SHANK2: variants seen among roughly 807,000 people sequenced by gnomAD.
SHANK2 encodes SH3 and multiple ankyrin repeat domains protein 2.
A neutral mutation model predicts 133.7 loss-of-function variants in SHANK2; 43 were observed. The ratio of observed to expected loss-of-function variants is 0.32; its 90% CI spans 0.25 to 0.41. The LOEUF (loss-of-function observed/expected upper bound fraction) is 0.41. Ranked by LOEUF, SHANK2 falls within the 10% of genes least tolerant of loss-of-function variation. The pLI is 1.00. For synonymous variants in SHANK2, 1,017 were observed against 952.8 expected, an observed-to-expected ratio of 1.07 and a Z score of -1.24; for missense variants, 1,994 against 2,235.8, an observed-to-expected ratio of 0.89 and a Z score of 2.18.
intron 11 of SHANK2, among the ~76,000 whole-genome samples, chr11:70,857,687 G>T (rs1949193128): frequency 6.6e-6 from 1 of 152,154 alleles, no homozygotes; most frequent in African/African-American, 2.4e-5. Context: ...GCTATTAGGG[G>T]CATCACGGAG....
At chr11:70,935,945 C>T (rs147544294) in intron 10 of SHANK2, among the ~76,000 whole-genome samples, 161 of 152,268 alleles carry the variant, frequency 1.1e-3, no homozygotes, top group African/African-American at 3.7e-3. Flanking sequence ...GGTTCACACC[C>T]GCCAAGGACC....
chr11:70,501,506 G>A (rs1016738491), intron 20 of SHANK2, among the ~76,000 whole-genome samples: 3 of 152,202 alleles, frequency 2.0e-5, no homozygotes, highest in African/African-American at 4.8e-5. Context: ...TGGAGCAAGC[G>A]TTTCCACCTA....
intron 14 of SHANK2, among the ~76,000 whole-genome samples, chr11:70,714,121 G>A (rs1945858111): frequency 6.6e-6 from 1 of 152,232 alleles, no homozygotes; most frequent in African/African-American, 2.4e-5. Flanking sequence ...GCCAGGAGGG[G>A]CTTCCTTTCC....
At chr11:71,091,938 C>G (rs1028155928) in intron 8 of SHANK2, among the ~76,000 whole-genome samples, 1 of 152,246 alleles carries the variant, frequency 6.6e-6, no homozygotes, top group Non-Finnish European at 1.5e-5. Context: ...CTTGCCAAGA[C>G]CAGGCTGACC....
chr11:71,197,502 T>C (rs1244655855), intron 2 of SHANK2, among the ~76,000 whole-genome samples: 1 of 152,274 alleles, frequency 6.6e-6, no homozygotes, highest in African/African-American at 2.4e-5. Flanking sequence ...GCCAACACCC[T>C]GCCCCATGAG....
At chr11:71,239,408 G>A (rs186643464) in intron 1 of SHANK2, among the ~76,000 whole-genome samples, 16 of 152,258 alleles carry the variant, frequency 1.1e-4, no homozygotes, top group Admixed American at 9.8e-4. Context: ...GACTGACTAA[G>A]CTACCTACAA....
intron 21 of SHANK2, among the ~76,000 whole-genome samples, chr11:70,493,373 TAAAAAAA>T (rs71049919): frequency 4.9e-5 from 6 of 123,454 alleles, no homozygotes; most frequent in Admixed American, 2.5e-4. Context: ...CCATTTCCTT[TAAAAAAA>T]AAAAAAAAAA....
chr11:70,855,260 C>T (rs1949151691), intron 11 of SHANK2, among the ~76,000 whole-genome samples: 1 of 152,236 alleles, frequency 6.6e-6, no homozygotes, highest in African/African-American at 2.4e-5. Flanking sequence ...GCAAGGTATT[C>T]TAAGCCCTAC....
chr11:70,899,366 T>C (rs1433960157), intron 10 of SHANK2, among the ~76,000 whole-genome samples: 1 of 152,196 alleles, frequency 6.6e-6, no homozygotes, highest in Non-Finnish European at 1.5e-5. Flanking sequence ...CCTTATGTCA[T>C]GACTGTAAGA....
At chr11:71,159,026 G>A (rs782381223) in intron 2 of SHANK2, among the ~76,000 whole-genome samples, 3 of 152,208 alleles carry the variant, frequency 2.0e-5, no homozygotes, top group South Asian at 2.1e-4. Flanking sequence ...TCCCTAAGAC[G>A]GGATTCTGGC....
rs149983324 is a variant in SHANK2 at position 71,200,656 on chromosome 11, C to A, written c.-13+24041G>T. On this transcript the variant is annotated intron_variant, in intron 2 of 25. Coordinates refer to ENST00000601538, the MANE Select transcript of SHANK2 (RefSeq NM_012309.5). ...GGACTTGCCAGGCCGTCTTCCTCAGCGGCAGCCACATGTTAACCAATACCA... is the reference window on the plus strand; with the variant it reads ...GGACTTGCCAGGCCGTCTTCCTCAGAGGCAGCCACATGTTAACCAATACCA... Among the ~76,000 whole-genome samples, 36 of 152,218 alleles carry A rather than the reference C, an allele frequency of 2.4e-4. No individual in the cohort carries two copies. In the East Asian group the frequency reaches 6.8e-3, roughly 29 times the overall value.
At chr11:71,156,305 T>C (rs1364736216) in intron 2 of SHANK2, among the ~76,000 whole-genome samples, 3 of 152,198 alleles carry the variant, frequency 2.0e-5, no homozygotes, top group African/African-American at 7.2e-5. Context: ...AGAACCTCCA[T>C]CTATCCAGGT....
chr11:70,664,698 T>C (rs537429582), intron 15 of SHANK2, among the ~76,000 whole-genome samples: 10 of 152,292 alleles, frequency 6.6e-5, no homozygotes, highest in Non-Finnish European at 8.8e-5. Flanking sequence ...CCTGCCAGCA[T>C]ACCCTGCGAC....
intron 14 of SHANK2, among the ~76,000 whole-genome samples, chr11:70,792,588 T>C (rs1439599761): frequency 6.6e-6 from 1 of 152,254 alleles, no homozygotes; most frequent in African/African-American, 2.4e-5. Flanking sequence ...TTTCATTTAA[T>C]GTTCATGAAT....
intron 2 of SHANK2, among the ~76,000 whole-genome samples, chr11:71,165,244 G>T (rs1352772671): frequency 6.6e-6 from 1 of 151,858 alleles, no homozygotes; most frequent in Admixed American, 6.6e-5. Context: ...ATGTTGGTCA[G>T]GCTGGACTTG....
chr11:70,702,071 ACAT>A (rs1212150733), intron 14 of SHANK2, among the ~76,000 whole-genome samples: 11 of 147,726 alleles, frequency 7.4e-5, no homozygotes, highest in African/African-American at 2.8e-4. Flanking sequence ...ATCATTACCA[ACAT>A]CATCACCGCC....
intron 15 of SHANK2, among the ~76,000 whole-genome samples, chr11:70,677,755 G>A (rs540366430): frequency 3.3e-5 from 5 of 152,322 alleles, no homozygotes; most frequent in East Asian, 1.9e-4. Context: ...CCCTGAGCCC[G>A]AGATGCCCAC....
chr11:70,508,204 T>C (rs1226928344), intron 17 of SHANK2, among the ~76,000 whole-genome samples: 1 of 152,148 alleles, frequency 6.6e-6, no homozygotes, highest in Non-Finnish European at 1.5e-5. Context: ...CTCATGGGGG[T>C]GGATGGTGCC....
chr11:70,722,541 A>AT (rs1946094035), intron 14 of SHANK2, among the ~76,000 whole-genome samples: 1 of 152,248 alleles, frequency 6.6e-6, no homozygotes, highest in African/African-American at 2.4e-5. Context: ...CATAAAAGGT[A>AT]TTAGCTTGAG....
Sources: allele counts gnomAD v4.1 joint callset (sites outside exome capture counted in the v4.1 genomes callset), GRCh38; gene constraint gnomAD v4.1.1; transcripts MANE v1.5; gene names NCBI Gene and HGNC (gene_info 2026-07-23, HGNC 2026-07-21).